GULP1: variants seen among roughly 807,000 people sequenced by gnomAD.
The protein encoded by GULP1 is GULP PTB domain containing engulfment adaptor 1, also known as PTB domain-containing engulfment adapter protein 1.
Under a neutral mutation model 40.9 loss-of-function variants are expected in GULP1, and 19 were observed. The observed-to-expected ratio is 0.46, with a 90% CI of 0.32 to 0.68. The LOEUF (loss-of-function observed/expected upper bound fraction) is 0.68, where lower values mean the gene tolerates loss of function less well. Among genes scored for constraint, GULP1 ranks in the 30% least tolerant of loss-of-function variants. The pLI is 0.03. For synonymous variants in GULP1, 119 were observed against 117.6 expected (o/e 1.01, Z -0.08); for missense variants, 312 against 362.2 (o/e 0.86, Z 1.12).
rs61060931 is a variant in GULP1 at position 188,400,923 on chromosome 2, T to TTGTGTGTGTG, written c.-45+17068_-45+17077dup. Among the ~76,000 whole-genome samples, 37 of 139,642 alleles carry TTGTGTGTGTG rather than the reference T, an allele frequency of 2.6e-4. No homozygotes were observed. The East Asian group carries it at 3.0e-3, about 11-fold the overall frequency. 91.6% of individuals were successfully genotyped at this position (139,642 alleles called of 152,430 possible). On this transcript the variant is annotated intron_variant, in intron 2 of 11. Coordinates refer to ENST00000409830, the MANE Select transcript of GULP1 (RefSeq NM_016315.4). ...CTGAAATTGGAAGAGAGTGGTGTGTTTGTGTGTGTGTGTGTGTGTGTGTGT... is the reference window on the plus strand; with the variant it reads ...CTGAAATTGGAAGAGAGTGGTGTGTTTGTGTGTGTGTGTGTGTGTGTGTGTGTGTGTGTGT...
At chr2:188,578,697 T>C (rs1559399958) in intron 9 of GULP1, among the ~76,000 whole-genome samples, 2 of 152,120 alleles carry the variant, frequency 1.3e-5, no homozygotes, top group African/African-American at 2.4e-5. Context: ...TCAGATACTG[T>C]GCATGTTCCT....
intron 2 of GULP1, among the ~76,000 whole-genome samples, chr2:188,457,343 C>T (rs1055720506): frequency 2.6e-5 from 4 of 152,108 alleles, no homozygotes; most frequent in Non-Finnish European, 1.5e-5. Context: ...TGGGAAGAAC[C>T]TGTTGGGAGG....
chr2:188,528,805 G>T (rs906943002), intron 5 of GULP1, among the ~76,000 whole-genome samples: 1 of 152,072 alleles, frequency 6.6e-6, no homozygotes, highest in East Asian at 1.9e-4. Flanking sequence ...TTCCCACAAA[G>T]TATTTTGAGT....
chr2:188,355,067 G>A (rs1160654257), intron 1 of GULP1, among the ~76,000 whole-genome samples: 1 of 152,054 alleles, frequency 6.6e-6, no homozygotes, highest in African/African-American at 2.4e-5. Flanking sequence ...CATGTTTATA[G>A]CAATAAGCTC....
intron 2 of GULP1, among the ~76,000 whole-genome samples, chr2:188,457,430 TA>T (rs2059357100): frequency 6.6e-6 from 1 of 152,162 alleles, no homozygotes; most frequent in Non-Finnish European, 1.5e-5. Context: ...CTGATGGTTT[TA>T]AAAATGGTAA....
chr2:188,452,102 C>G (rs1475080311), intron 2 of GULP1, among the ~76,000 whole-genome samples: 1 of 152,144 alleles, frequency 6.6e-6, no homozygotes, highest in Non-Finnish European at 1.5e-5. Context: ...ACTTAGCTTT[C>G]TAAATTGAAA....
chr2:188,357,742 ACT>A (rs1235361302), intron 1 of GULP1, among the ~76,000 whole-genome samples: 2 of 152,130 alleles, frequency 1.3e-5, no homozygotes, highest in African/African-American at 2.4e-5. Context: ...AGATATTTGC[ACT>A]CTCATGTTTA....
intron 1 of GULP1, among the ~76,000 whole-genome samples, chr2:188,340,773 CAGAGGACTTTATTG>C (rs2042860989): frequency 6.6e-6 from 1 of 152,040 alleles, no homozygotes; most frequent in South Asian, 2.1e-4. Flanking sequence ...GTGGTGAATG[CAGAGGACTTTATTG>C]CCCATGGAGG....
intron 1 of GULP1, among the ~76,000 whole-genome samples, chr2:188,302,795 C>G (rs528556365): frequency 1.3e-4 from 20 of 152,240 alleles, no homozygotes; most frequent in African/African-American, 4.6e-4. Flanking sequence ...TTTGACCACT[C>G]TATATCTAAT....
At chr2:188,584,521 A>G (rs13019484) in intron 10 of GULP1, 118 bp downstream of exon 10, 82,111 of 440,962 alleles carry the variant, frequency 0.19, 9,001 homozygotes, top group Middle Eastern at 0.23. Context: ...TTTAATTATT[A>G]AAGTATTATT....
At chr2:188,444,237 TAAC>T (rs1439734005) in intron 2 of GULP1, among the ~76,000 whole-genome samples, 3 of 152,202 alleles carry the variant, frequency 2.0e-5, no homozygotes, top group Non-Finnish European at 4.4e-5. Context: ...CTGTAGTTAA[TAAC>T]ATATTGTATT....
intron 9 of GULP1, among the ~76,000 whole-genome samples, chr2:188,580,811 CT>C (rs1701161015): frequency 6.6e-6 from 1 of 152,082 alleles, no homozygotes; most frequent in Admixed American, 6.5e-5. Flanking sequence ...TAGTTACTAC[CT>C]TTTACAATAA....
At chr2:188,486,242 A>G (rs1011590129) in intron 4 of GULP1, among the ~76,000 whole-genome samples, 4 of 152,080 alleles carry the variant, frequency 2.6e-5, no homozygotes, top group African/African-American at 9.6e-5. Context: ...TGGTCCAAGT[A>G]TGTGGTAATA....
intron 2 of GULP1, among the ~76,000 whole-genome samples, chr2:188,411,622 T>A (rs2053896331): frequency 6.6e-6 from 1 of 152,194 alleles, no homozygotes; most frequent in Non-Finnish European, 1.5e-5. Flanking sequence ...TATCTTCACT[T>A]TGTTTTTAAC....
At chr2:188,579,228 T>A (rs1297146334) in intron 9 of GULP1, among the ~76,000 whole-genome samples, 1 of 152,170 alleles carries the variant, frequency 6.6e-6, no homozygotes, top group African/African-American at 2.4e-5. Context: ...GTAGGAGTGA[T>A]AAATTTGAAA....
chr2:188,457,474 G>A (rs1470578338), intron 2 of GULP1, among the ~76,000 whole-genome samples: 1 of 152,158 alleles, frequency 6.6e-6, no homozygotes, highest in Non-Finnish European at 1.5e-5. Flanking sequence ...CACGTAGGAT[G>A]TGACTTGCTC....
At chr2:188,576,764 TAC>T (rs2153447769) in intron 9 of GULP1, among the ~76,000 whole-genome samples, 1 of 152,206 alleles carries the variant, frequency 6.6e-6, no homozygotes, top group South Asian at 2.1e-4. Flanking sequence ...GTCACTTAGA[TAC>T]ACTGAGAAAT....
chr2:188,300,221 A>AGTTAATGCTGAGT (rs2035882632), intron 1 of GULP1, among the ~76,000 whole-genome samples: 1 of 152,164 alleles, frequency 6.6e-6, no homozygotes, highest in Non-Finnish European at 1.5e-5. Flanking sequence ...AGCATTAACT[A>AGTTAATGCTGAGT]TATTGGGAGG....
intron 1 of GULP1, among the ~76,000 whole-genome samples, chr2:188,303,160 C>A (rs1296855963): frequency 6.6e-6 from 1 of 152,158 alleles, no homozygotes. Flanking sequence ...CCTGACCCAG[C>A]CTTTACAATG....
Sources: allele counts gnomAD v4.1 joint callset (sites outside exome capture counted in the v4.1 genomes callset), GRCh38; gene constraint gnomAD v4.1.1; transcripts MANE v1.5; gene names NCBI Gene and HGNC (gene_info 2026-07-23, HGNC 2026-07-21).